Variants in ZMYND11 observed in about 807,000 individuals in gnomAD.
ZMYND11 encodes the protein zinc finger MYND-type containing 11, also known as zinc finger MYND domain-containing protein 11.
A neutral mutation model predicts 84.9 loss-of-function variants in ZMYND11; 9 were observed. The ratio of observed to expected loss-of-function variants is 0.11; its 90% CI spans 0.06 to 0.18. ZMYND11 has a LOEUF of 0.18. Ranked by LOEUF, ZMYND11 falls within the 10% of genes least tolerant of loss-of-function variation. ZMYND11 has a pLI of 1.00. For missense variants in ZMYND11, 409 were observed against 761.0 expected, an observed-to-expected ratio of 0.54 and a Z score of 5.44; for synonymous variants, 250 against 244.1, an observed-to-expected ratio of 1.02 and a Z score of -0.23.
At chr10:237,776 T>G in intron 6 of ZMYND11, 99 bp downstream of exon 6, 1 of 784,384 alleles carries the variant, frequency 1.3e-6, no homozygotes, top group South Asian at 2.2e-5. Context: ...TGCTCTTCTT[T>G]CCTTGAAAGT....
chr10:245,395 T>TA (rs1951913338), intron 10 of ZMYND11, among the ~76,000 whole-genome samples: 1 of 152,168 alleles, frequency 6.6e-6, no homozygotes. Context: ...CATGATTCCC[T>TA]AAGAGATTCC....
intron 1 of ZMYND11, among the ~76,000 whole-genome samples, chr10:156,115 G>A (rs1841652772): frequency 6.6e-6 from 1 of 152,150 alleles, no homozygotes; most frequent in South Asian, 2.1e-4. Flanking sequence ...TGCCTTGGAG[G>A]ATACTATGGG....
At position 252,100 on chromosome 10, in the gene ZMYND11, G is replaced by C. The variant is rs1953625572; in HGVS notation, c.1687-248G>C. Among the ~76,000 whole-genome samples, 1 of 152,188 alleles carries C rather than the reference G, an allele frequency of 6.6e-6. No homozygotes were observed. Among genetic ancestry groups the C allele is most frequent in the African/African-American group, 2.4e-5 (1 of 41,444 alleles). On this transcript the variant is annotated intron_variant, in intron 14 of 14. Transcript: ENST00000381604. This position sits in a 1 kb window ranked among gnomAD's most constrained non-coding sequence, Gnocchi z 4.6. ...AAAAGAAACGGGAATGACTCTCACA[G>C]AGATGGAAAAAACGGGAGGTGTCAG...
chr10:227,080 A>G (rs1948267890), intron 4 of ZMYND11, among the ~76,000 whole-genome samples: 1 of 152,220 alleles, frequency 6.6e-6, no homozygotes, highest in African/African-American at 2.4e-5. Context: ...GTAGAAACAC[A>G]AGAAAATGCA....
chr10:218,552 T>C (rs936149253), intron 3 of ZMYND11: 13 of 289,218 alleles, frequency 4.5e-5, no homozygotes, highest in Non-Finnish European at 9.3e-5. Flanking sequence ...TTATTTTTTG[T>C]ATTGTAGTTT....
At chr10:192,008 G>GTTGACT (rs1470428863) in intron 2 of ZMYND11, among the ~76,000 whole-genome samples, 3 of 152,182 alleles carry the variant, frequency 2.0e-5, no homozygotes, top group Non-Finnish European at 4.4e-5. Context: ...ACAGCATGGG[G>GTTGACT]TTGACTTTAC....
chr10:146,196 T>C (rs1838783751), intron 1 of ZMYND11, among the ~76,000 whole-genome samples: 1 of 152,172 alleles, frequency 6.6e-6, no homozygotes, highest in Non-Finnish European at 1.5e-5. Flanking sequence ...TGTAAGTATT[T>C]GGCCTTATTT....
Position 240,120 on chromosome 10 carries a change from C to A in ZMYND11, c.753+9C>A. 6.3e-7 allele frequency: 1 copy of A among 1,598,414 alleles called. No homozygotes were observed. Among genetic ancestry groups the A allele is most frequent in the Non-Finnish European group, 8.5e-7 (1 of 1,169,808 alleles). On this transcript the variant is annotated intron_variant, in intron 8 of 14. Transcript: ENST00000381604. ...AAGACACATGTCATGAGGTACTATT[C>A]ATTGCCCAATAGTTATACTCTTTCT...
intron 2 of ZMYND11, among the ~76,000 whole-genome samples, chr10:197,376 A>G (rs1238074440): frequency 2.0e-5 from 3 of 152,214 alleles, no homozygotes. Flanking sequence ...TTTGGGGACA[A>G]TTAGAAAAAA....
chr10:201,538 C>T (rs1423799006), intron 2 of ZMYND11, among the ~76,000 whole-genome samples: 1 of 147,792 alleles, frequency 6.8e-6, no homozygotes, highest in Admixed American at 7.0e-5. Context: ...CATGAGATTT[C>T]TTACTTTTGT....
chr10:238,311 G>T (rs1950311834), intron 6 of ZMYND11, among the ~76,000 whole-genome samples: 1 of 152,022 alleles, frequency 6.6e-6, no homozygotes, highest in Non-Finnish European at 1.5e-5. Context: ...GGTCATTATA[G>T]CCTATAGGGA....
intron 2 of ZMYND11, among the ~76,000 whole-genome samples, chr10:199,679 T>C (rs929156631): frequency 6.6e-6 from 1 of 152,132 alleles, no homozygotes; most frequent in Admixed American, 6.5e-5. Context: ...GTGACCCTCC[T>C]GTCTCAGCCT....
At chr10:171,994 C>G (rs1385074647) in intron 1 of ZMYND11, among the ~76,000 whole-genome samples, 5 of 152,216 alleles carry the variant, frequency 3.3e-5, no homozygotes, top group Non-Finnish European at 4.4e-5. Context: ...AAACCATCAG[C>G]AGATTCAGTG....
chr10:238,532 A>G (rs547773227), intron 6 of ZMYND11, among the ~76,000 whole-genome samples: 12 of 151,924 alleles, frequency 7.9e-5, no homozygotes, highest in Non-Finnish European at 1.2e-4. Context: ...AATTTTTTGT[A>G]TTTTTAGTAG....
rs1236680776 is a variant in ZMYND11, at chr10:200,524, AC to A, written c.117-9363del. 1.1e-4 allele frequency among the ~76,000 whole-genome samples: 16 copies of A among 151,652 alleles called. No homozygotes were observed. In the East Asian group the frequency reaches 3.1e-3, roughly 29 times the overall value. The stretch of plus-strand genomic sequence containing the variant: ...TGAACTGCTGAGCTCAAGTGATCTC[AC>A]CTTGGCCTCCCAAAGTGCTGAGATT... On this transcript the variant is annotated intron_variant, in intron 2 of 14. Coordinates refer to ENST00000381604, the MANE Select transcript of ZMYND11 (RefSeq NM_001370100.5).
At chr10:167,793 C>A (rs1844354578) in intron 1 of ZMYND11, among the ~76,000 whole-genome samples, 1 of 151,932 alleles carries the variant, frequency 6.6e-6, no homozygotes, top group Admixed American at 6.6e-5. Context: ...AATTTCTCCT[C>A]CTATTTTTAA....
chr10:185,429 G>A (rs1937994267), intron 2 of ZMYND11, among the ~76,000 whole-genome samples: 1 of 148,634 alleles, frequency 6.7e-6, no homozygotes, highest in Middle Eastern at 3.3e-3. Flanking sequence ...TAGGTTTGGG[G>A]AGATTTAAAA....
At chr10:147,350 A>G (rs1554755674) in intron 1 of ZMYND11, among the ~76,000 whole-genome samples, 1 of 152,020 alleles carries the variant, frequency 6.6e-6, no homozygotes, top group African/African-American at 2.4e-5. Context: ...AATGCTTTCA[A>G]CTTTTCCCCA....
intron 1 of ZMYND11, among the ~76,000 whole-genome samples, chr10:151,900 G>A (rs1397015230): frequency 6.6e-6 from 1 of 152,244 alleles, no homozygotes; most frequent in Non-Finnish European, 1.5e-5. Context: ...AAGAGAGTGG[G>A]GACCAATATT....
Sources: allele counts gnomAD v4.1 joint callset (sites outside exome capture counted in the v4.1 genomes callset), GRCh38; gene constraint gnomAD v4.1.1; non-coding constraint Gnocchi (gnomAD v3.1); transcripts MANE v1.5; gene names NCBI Gene and HGNC (gene_info 2026-07-23, HGNC 2026-07-21).